Variants in WWOX observed in about 807,000 individuals in gnomAD.
WWOX encodes WW domain-containing oxidoreductase.
A neutral mutation model predicts 46.2 loss-of-function variants in WWOX; 69 were observed. That is an observed-to-expected ratio of 1.49 (90% CI 1.23 to 1.82). The LOEUF is 1.82. WWOX is among the 40% of genes most tolerant of loss of function. The pLI is 0.00. For missense variants in WWOX, 919 were observed against 542.6 expected, an observed-to-expected ratio of 1.69 and a Z score of -6.89; for synonymous variants, 359 against 202.6, an observed-to-expected ratio of 1.77 and a Z score of -6.56.
chr16:78,695,800 G>C (rs2048086062), intron 8 of WWOX, among the ~76,000 whole-genome samples: 1 of 152,234 alleles, frequency 6.6e-6, no homozygotes, highest in South Asian at 2.1e-4. Context: ...GCATTGACCA[G>C]GTGCCCAATA....
chr16:78,834,843 T>G (rs931864317), intron 8 of WWOX, among the ~76,000 whole-genome samples: 1 of 152,216 alleles, frequency 6.6e-6, no homozygotes, highest in Non-Finnish European at 1.5e-5. Flanking sequence ...AGCTTTAGTT[T>G]TTCATGATTG....
intron 5 of WWOX, among the ~76,000 whole-genome samples, chr16:78,314,627 C>T (rs1447536286): frequency 2.1e-5 from 3 of 144,950 alleles, no homozygotes; most frequent in African/African-American, 7.7e-5. Flanking sequence ...TGGGTTCAAG[C>T]GATTCTTCTG....
intron 6 of WWOX, among the ~76,000 whole-genome samples, chr16:78,406,329 T>G (rs1274349366): frequency 4.4e-5 from 4 of 90,234 alleles, no homozygotes; most frequent in African/African-American, 1.1e-4. Context: ...TATATATATA[T>G]ATATATATAT....
intron 8 of WWOX, among the ~76,000 whole-genome samples, chr16:78,829,499 TA>T (rs1368557079): frequency 2.0e-5 from 3 of 152,070 alleles, no homozygotes; most frequent in Non-Finnish European, 4.4e-5. Context: ...CACTCAGAAA[TA>T]ATGGTTAGTC....
intron 8 of WWOX, among the ~76,000 whole-genome samples, chr16:78,596,275 A>G (rs555121804): frequency 1.4e-4 from 21 of 152,316 alleles, no homozygotes; most frequent in African/African-American, 5.1e-4. Flanking sequence ...TTCATGCAAT[A>G]GAAACGTTTT....
At chr16:79,060,404 G>C (rs1459499125) in intron 8 of WWOX, among the ~76,000 whole-genome samples, 1 of 152,168 alleles carries the variant, frequency 6.6e-6, no homozygotes, top group Non-Finnish European at 1.5e-5. Context: ...CTGAAGTGAT[G>C]GTATCAGCAT....
intron 8 of WWOX, among the ~76,000 whole-genome samples, chr16:78,914,852 C>G (rs1051367344): frequency 2.0e-5 from 3 of 149,250 alleles, no homozygotes; most frequent in Non-Finnish European, 1.5e-5. Flanking sequence ...GCACTCCCGC[C>G]CGGGTGACAG....
intron 5 of WWOX, among the ~76,000 whole-genome samples, chr16:78,210,566 T>C (rs1466493619): frequency 2.6e-5 from 4 of 152,086 alleles, no homozygotes; most frequent in Non-Finnish European, 5.9e-5. Context: ...AGGAACTAAA[T>C]CCTGCGTTTT....
At chr16:79,191,716 C>T (rs955458746) in intron 8 of WWOX, among the ~76,000 whole-genome samples, 1 of 152,194 alleles carries the variant, frequency 6.6e-6, no homozygotes, top group East Asian at 1.9e-4. Context: ...CTACCCCAAC[C>T]TGGCAAATGT....
At chr16:78,847,980 A>G (rs944339298) in intron 8 of WWOX, among the ~76,000 whole-genome samples, 3 of 152,082 alleles carry the variant, frequency 2.0e-5, no homozygotes, top group Admixed American at 1.3e-4. Flanking sequence ...GTGGCCACAT[A>G]AAGGGAGAGT....
chr16:78,129,338 G>T (rs1369367678), intron 4 of WWOX, among the ~76,000 whole-genome samples: 1 of 152,148 alleles, frequency 6.6e-6, no homozygotes, highest in Non-Finnish European at 1.5e-5. Context: ...TTGGGAAGGT[G>T]TATTAATGTC....
chr16:78,671,344 G>C (rs888935857), intron 8 of WWOX, among the ~76,000 whole-genome samples: 2 of 152,226 alleles, frequency 1.3e-5, no homozygotes, highest in Non-Finnish European at 2.9e-5. Flanking sequence ...AGCATCATTT[G>C]AGCCTGGGAG....
intron 8 of WWOX, among the ~76,000 whole-genome samples, chr16:78,847,083 T>G (rs1177240038): frequency 6.6e-6 from 1 of 152,230 alleles, no homozygotes; most frequent in Non-Finnish European, 1.5e-5. Context: ...TTTTTGGCAC[T>G]GTAAGAGGCT....
intron 8 of WWOX, among the ~76,000 whole-genome samples, chr16:78,855,381 G>C (rs1329782037): frequency 2.0e-5 from 3 of 151,940 alleles, no homozygotes; most frequent in African/African-American, 7.3e-5. Context: ...TGTATGTTGC[G>C]GGGAGGAAAA....
At chr16:79,155,943 C>A (rs16949729) in intron 8 of WWOX, among the ~76,000 whole-genome samples, 1 of 151,366 alleles carries the variant, frequency 6.6e-6, no homozygotes, top group African/African-American at 2.4e-5. Flanking sequence ...TTCTAAACAT[C>A]GAATGAAGAT....
intron 8 of WWOX, among the ~76,000 whole-genome samples, chr16:78,570,330 A>T (rs1020234883): frequency 2.0e-5 from 3 of 152,208 alleles, no homozygotes; most frequent in African/African-American, 7.2e-5. Flanking sequence ...CTAATGCAAC[A>T]ATTTATTTTT....
chr16:79,201,948 C>T (rs2051361947), intron 8 of WWOX, among the ~76,000 whole-genome samples: 1 of 152,188 alleles, frequency 6.6e-6, no homozygotes, highest in South Asian at 2.1e-4. Flanking sequence ...ATCCATCAAA[C>T]ACACAAGTTA....
intron 8 of WWOX, among the ~76,000 whole-genome samples, chr16:78,561,806 AG>A (rs1241462648): frequency 6.6e-6 from 1 of 152,172 alleles, no homozygotes; most frequent in Non-Finnish European, 1.5e-5. Context: ...AGAAGAACGC[AG>A]GGTTCCTTCT....
intron 8 of WWOX, among the ~76,000 whole-genome samples, chr16:78,457,153 C>G (rs1050400937): frequency 1.3e-5 from 2 of 152,074 alleles, no homozygotes; most frequent in African/African-American, 2.4e-5. Flanking sequence ...TGTGTCTGCA[C>G]CCTTTTTTGT....
Sources: allele counts gnomAD v4.1 joint callset (sites outside exome capture counted in the v4.1 genomes callset), GRCh38; gene constraint gnomAD v4.1.1; transcripts MANE v1.5; gene names NCBI Gene and HGNC (gene_info 2026-07-23, HGNC 2026-07-21).